The following HIP1R variants were observed in gnomAD, a reference collection of about 807,000 sequenced individuals.
HIP1R encodes the protein huntingtin-interacting protein 1-related protein.
HIP1R carries 135 observed loss-of-function variants against 144.2 expected under a neutral mutation model. That is an observed-to-expected ratio of 0.94 (90% CI 0.81 to 1.08). The LOEUF is 1.08. Among genes scored for constraint, HIP1R ranks in the 50% least tolerant of loss-of-function variants. The probability of loss-of-function intolerance (pLI) is 0.00; values close to 1 mark genes in which losing one functional copy is unlikely to be tolerated. For missense variants in HIP1R, 1,462 were observed against 1,432.8 expected, an observed-to-expected ratio of 1.02 and a Z score of -0.33; for synonymous variants, 698 against 612.8, an observed-to-expected ratio of 1.14 and a Z score of -2.05.
rs374568632 is a variant in HIP1R, at chr12:122,861,803, A to C, written c.*50A>C. 12 of 1,574,082 alleles carry C rather than the reference A, an allele frequency of 7.6e-6. No homozygotes were observed. The highest frequency in any genetic ancestry group is 1.0e-5 in the Non-Finnish European group (12 of 1,145,586). On this transcript the variant is annotated 3_prime_UTR_variant, in exon 32 of 32. Transcript: ENST00000253083. Reference sequence around the variant, plus strand: ...GCTGGTGACAGGCCTGGGCCTCTGCAACTGCCCTGACAGGACCGAGAGGCC... The same window carrying C: ...GCTGGTGACAGGCCTGGGCCTCTGCCACTGCCCTGACAGGACCGAGAGGCC...
At chr12:122,835,138 G>C (rs1175348932), upstream of HIP1R, 50 of 660,256 alleles carry the variant, frequency 7.6e-5, no homozygotes, top group Non-Finnish European at 1.1e-4. Flanking sequence ...TTAGAGGTGG[G>C]GAGGAGCTGG....
At position 122,854,153 on chromosome 12, in the gene HIP1R, A is replaced by C; in HGVS notation, c.688A>C (p.Thr230Pro). ...GGACTGCAGCCACCTCTACCACTAC[A>C]CGGTCAAGCTCCTGTTCAAGCTACA... Reference protein sequence around the residue: ...IQDCSHLYHYTVKLLFKLHSC... With the variant: ...IQDCSHLYHYPVKLLFKLHSC... Residue 230 changes from threonine to proline, a missense_variant, in exon 8 of 32, where the codon ACG becomes CCG. By Grantham distance (38) the Thr-to-Pro change is conservative. This residue lies in a region of HIP1R where 350 missense variants were observed against 421.1 expected (regional missense o/e 0.83). Transcript: ENST00000253083. 1 of 1,613,578 alleles carries C rather than the reference A, an allele frequency of 6.2e-7. No individual in the cohort carries two copies. The highest frequency in any genetic ancestry group is 8.5e-7 in the Non-Finnish European group (1 of 1,179,856).
intron 7 of HIP1R, among the ~76,000 whole-genome samples, chr12:122,852,229 C>T (rs1593876123): frequency 1.3e-5 from 2 of 152,160 alleles, no homozygotes; most frequent in Admixed American, 6.5e-5. Context: ...TGCAGCTGGG[C>T]GAGCCTGATG....
At chr12:122,849,783 C>G (rs766825099) in intron 4 of HIP1R, 92 bp from the exon 5 acceptor site, 125 of 806,048 alleles carry the variant, frequency 1.6e-4, no homozygotes, top group Admixed American at 2.6e-4. Context: ...TGAAGAAGTG[C>G]CCGGTGGTGG....
rs1264669743 is a variant in HIP1R, at chr12:122,858,872, C to A, written c.2085C>A (p.Phe695Leu). Reference sequence around the variant, plus strand: ...CCCTGGTGGCAGCTCTGACCCGCTTCTCCCACCTGGCTGCGGATACCATCA... The same window carrying A: ...CCCTGGTGGCAGCTCTGACCCGCTTATCCCACCTGGCTGCGGATACCATCA... ...ASALVAALTR[F>L]SHLAADTIIN... Residue 695 changes from phenylalanine to leucine, a missense_variant, in exon 21 of 32, where the codon TTC (phenylalanine) becomes TTA (leucine). Phe to Leu is a conservative substitution (Grantham distance 22, BLOSUM62 0). Coordinates refer to ENST00000253083, the MANE Select transcript of HIP1R (RefSeq NM_003959.3). 20 of 1,613,328 alleles carry A rather than the reference C, an allele frequency of 1.2e-5. No homozygotes were observed. In the East Asian group the frequency reaches 4.2e-4, roughly 34 times the overall value.
At chr12:122,855,016 C>T in intron 9 of HIP1R, 37 bp from the exon 10 acceptor site, 20 of 1,613,558 alleles carry the variant, frequency 1.2e-5, no homozygotes, top group Non-Finnish European at 1.7e-5. Flanking sequence ...GGCTCCGTGG[C>T]CCCTTCCTGA....
chr12:122,838,330 A>AAAT (rs1223932555), intron 1 of HIP1R, among the ~76,000 whole-genome samples: 3 of 152,108 alleles, frequency 2.0e-5, no homozygotes, highest in African/African-American at 7.2e-5. Flanking sequence ...TTAAAAAAAA[A>AAAT]AAAAATCCTT....
chr12:122,835,411 G>C, upstream of HIP1R: 1 of 1,131,784 alleles, frequency 8.8e-7, no homozygotes, highest in Non-Finnish European at 1.1e-6. Context: ...GGAGTTGGGG[G>C]CGGGGCGAGG....
chr12:122,850,018 T>G, intron 5 of HIP1R, 63 bp downstream of exon 5: 1 of 1,080,292 alleles, frequency 9.3e-7, no homozygotes, highest in Non-Finnish European at 1.4e-6. Flanking sequence ...TGTGACGTTA[T>G]GGCACATGTT....
chr12:122,847,816 G>A (rs1367918126), intron 1 of HIP1R, among the ~76,000 whole-genome samples: 1 of 152,188 alleles, frequency 6.6e-6, no homozygotes, highest in African/African-American at 2.4e-5. Context: ...CCTGACTCCT[G>A]GAGCTCTTGG....
At chr12:122,854,340 GAAAAA>G (rs5801492) in intron 8 of HIP1R, among the ~76,000 whole-genome samples, 157 bp downstream of exon 8, 5 of 128,580 alleles carry the variant, frequency 3.9e-5, no homozygotes, top group East Asian at 2.2e-4. Flanking sequence ...TATATTTTAT[GAAAAA>G]AAAAAAAAAA....
intron 7 of HIP1R, 114 bp downstream of exon 7, chr12:122,851,411 A>C (rs1593875022): frequency 1.2e-5 from 10 of 849,258 alleles, no homozygotes; most frequent in Admixed American, 6.6e-5. Context: ...CTATGAAATG[A>C]CCCTGGCCAG....
intron 7 of HIP1R, among the ~76,000 whole-genome samples, chr12:122,852,143 G>A (rs1178451678): frequency 2.6e-5 from 4 of 152,240 alleles, no homozygotes; most frequent in Non-Finnish European, 2.9e-5. Context: ...AGGGCAAGAA[G>A]CAAATGCCTC....
chr12:122,855,738 C>A lies in HIP1R; in HGVS notation c.1056-93C>A, dbSNP rs1566110578. On this transcript the variant is annotated intron_variant, in intron 12 of 31. Coordinates refer to ENST00000253083, the MANE Select transcript of HIP1R (RefSeq NM_003959.3). Reference sequence around the variant, plus strand: ...CATGAACCCGTGAGGTGCCCAAATCCTGAGTGGCCACTGAGGAGGAGACAG... The same window carrying A: ...CATGAACCCGTGAGGTGCCCAAATCATGAGTGGCCACTGAGGAGGAGACAG... 4 of 1,509,978 alleles carry A rather than the reference C, an allele frequency of 2.6e-6. No homozygotes were observed. In the East Asian group the frequency reaches 9.9e-5, roughly 37 times the overall value. 93.5% of individuals were successfully genotyped at this position (1,509,978 alleles called of 1,614,324 possible).
chr12:122,843,245 GC>G (rs2033108786), intron 1 of HIP1R, among the ~76,000 whole-genome samples: 2 of 152,208 alleles, frequency 1.3e-5, no homozygotes, highest in Non-Finnish European at 2.9e-5. Context: ...CCTGGGAGGG[GC>G]CTGAGGGGCT....
chr12:122,852,613 G>A (rs930333088), intron 7 of HIP1R, among the ~76,000 whole-genome samples: 8 of 152,238 alleles, frequency 5.3e-5, no homozygotes, highest in Non-Finnish European at 1.2e-4. Context: ...GATCTGCAGA[G>A]GTGACAGGTA....
Position 122,835,492 on chromosome 12 carries a change from G to T in HIP1R, c.-59G>T, listed in dbSNP as rs1566098042. The T allele has an allele frequency of 4.0e-6, 5 of 1,240,448 alleles. No homozygotes were observed. The highest frequency in any genetic ancestry group is 1.6e-5 in the African/African-American group (1 of 63,118). 76.8% of individuals were successfully genotyped at this position (1,240,448 alleles called of 1,614,324 possible). On this transcript the variant is annotated 5_prime_UTR_variant, in exon 1 of 32. Transcript: ENST00000253083. Reference sequence around the variant, plus strand: ...CGCGGTGCCTAGGCTGGGGCTGCCGGACCGTGAGGCTGTGAGTCGCGCGGA... The same window carrying T: ...CGCGGTGCCTAGGCTGGGGCTGCCGTACCGTGAGGCTGTGAGTCGCGCGGA...
chr12:122,844,465 C>T (rs1178877351), intron 1 of HIP1R, among the ~76,000 whole-genome samples: 1 of 152,182 alleles, frequency 6.6e-6, no homozygotes, highest in Non-Finnish European at 1.5e-5. Context: ...CTCCAGAGAC[C>T]TCCCCTGACC....
chr12:122,852,325 G>A (rs1300181807), intron 7 of HIP1R, among the ~76,000 whole-genome samples: 1 of 152,210 alleles, frequency 6.6e-6, no homozygotes, highest in African/African-American at 2.4e-5. Context: ...GACATGGAGA[G>A]CAGAGGGCAG....
Sources: gnomAD v4.1 joint callset for allele counts (sites outside exome capture counted in the v4.1 genomes callset) on GRCh38, gnomAD v4.1.1 for gene constraint, gnomAD v4.1.1 regional missense constraint, MANE v1.5 for transcripts, NCBI Gene and HGNC (gene_info 2026-07-23, HGNC 2026-07-21) for gene names.